PUS7: variants seen among roughly 807,000 people sequenced by gnomAD.
PUS7 encodes the protein pseudouridine synthase 7.
A neutral mutation model predicts 79.8 loss-of-function variants in PUS7; 48 were observed. The ratio of observed to expected loss-of-function variants is 0.60; its 90% CI spans 0.48 to 0.76. The LOEUF (loss-of-function observed/expected upper bound fraction) is 0.76, where lower values mean the gene tolerates loss of function less well. Ranked by LOEUF, PUS7 falls within the 30% of genes least tolerant of loss-of-function variation. PUS7 has a pLI of 0.00. For synonymous variants in PUS7, 286 were observed against 272.2 expected (o/e 1.05, Z -0.50); for missense variants, 729 against 797.6 (o/e 0.91, Z 1.04).
At chr7:105,504,332 A>C (rs1463026211) in intron 4 of PUS7, among the ~76,000 whole-genome samples, 1 of 152,102 alleles carries the variant, frequency 6.6e-6, no homozygotes, top group African/African-American at 2.4e-5. Context: ...CGGCCTCCCA[A>C]AGTGCTGGGA....
intron 4 of PUS7, among the ~76,000 whole-genome samples, chr7:105,504,521 T>C (rs3852332): frequency 0.14 from 20,591 of 152,234 alleles, 1,830 homozygotes; most frequent in Middle Eastern, 0.26. Flanking sequence ...TATGAATACA[T>C]GTTTAGACCT....
chr7:105,516,066 T>C (rs562925048), intron 1 of PUS7, among the ~76,000 whole-genome samples: 1 of 151,956 alleles, frequency 6.6e-6, no homozygotes, highest in African/African-American at 2.4e-5. Context: ...ACCTCAAACT[T>C]GTAAAGTGCT....
intron 9 of PUS7, 60 bp from the exon 10 acceptor site, chr7:105,472,253 C>T (rs1823905036): frequency 1.9e-6 from 2 of 1,037,246 alleles, no homozygotes; most frequent in African/African-American, 3.2e-5. Context: ...TTTATATGCA[C>T]AAATCTTTGA....
rs560364988 is a variant in PUS7, at chr7:105,457,982, CGA to C, written c.1850-58_1850-57del. ...ATGAAGGCAGCTGCAGACAGACCAG[CGA>C]GAGTCACATAATCTCTAAGCAAATA... On this transcript the variant is annotated intron_variant, in intron 15 of 15. Transcript: ENST00000469408. 2,953 of 1,579,448 alleles carry C rather than the reference CGA, an allele frequency of 1.9e-3. 29 individuals are homozygous for C. The highest frequency in any genetic ancestry group is 0.015 in the South Asian group (1,324 of 87,696).
chr7:105,486,134 C>T (rs1304397012), intron 7 of PUS7, among the ~76,000 whole-genome samples: 1 of 152,076 alleles, frequency 6.6e-6, no homozygotes, highest in East Asian at 1.9e-4. Context: ...TTACTGCAAC[C>T]TCTGCCTCTT....
At chr7:105,505,382 C>T (rs1342171840) in intron 4 of PUS7, among the ~76,000 whole-genome samples, 2 of 152,168 alleles carry the variant, frequency 1.3e-5, no homozygotes, top group African/African-American at 4.8e-5. Context: ...AATTGACCCA[C>T]GATGAGCAAA....
intron 11 of PUS7, 52 bp from the exon 12 acceptor site, chr7:105,468,515 T>C: frequency 6.6e-7 from 1 of 1,504,740 alleles, no homozygotes; most frequent in Non-Finnish European, 9.0e-7. Context: ...ATATAAAAAG[T>C]GCTGTACTTT....
chr7:105,478,647 G>T (rs1170672477), intron 9 of PUS7, among the ~76,000 whole-genome samples: 1 of 152,202 alleles, frequency 6.6e-6, no homozygotes, highest in Non-Finnish European at 1.5e-5. Flanking sequence ...CTAAGTTTTA[G>T]AATGCGTTGT....
At chr7:105,506,399 C>T in intron 2 of PUS7, 126 bp from the exon 3 acceptor site, 1 of 641,632 alleles carries the variant, frequency 1.6e-6, no homozygotes, top group Non-Finnish European at 2.6e-6. Context: ...ATCTTCAGTG[C>T]AAAATCACAT....
At chr7:105,504,897 G>A (rs904622491) in intron 4 of PUS7, among the ~76,000 whole-genome samples, 1 of 152,086 alleles carries the variant, frequency 6.6e-6, no homozygotes, top group African/African-American at 2.4e-5. Flanking sequence ...AATGAATTCT[G>A]AAAAGTTGTA....
intron 6 of PUS7, among the ~76,000 whole-genome samples, chr7:105,492,332 C>CT (rs571087893): frequency 0.046 from 6,780 of 147,128 alleles, 206 homozygotes; most frequent in South Asian, 0.12. Context: ...TAATTCTTCG[C>CT]TTTTTTTTTT....
Position 105,462,698 on chromosome 7 carries a change from G to A in PUS7, c.1680C>T (p.Asn560=). Residue 560 remains asparagine (N), a synonymous_variant, in exon 14 of 16, where the codon AAC becomes AAT. Coordinates refer to ENST00000469408, the MANE Select transcript of PUS7 (RefSeq NM_019042.5). The part of the protein sequence containing the change: ...MLTADNLDID[N]MRHKIRDYSL... Reference sequence around the variant, plus strand: ...AATAATCTCGAATTTTGTGTCTCATGTTGTCAATATCAAGATTGTCAGCTG... The same window carrying A: ...AATAATCTCGAATTTTGTGTCTCATATTGTCAATATCAAGATTGTCAGCTG... The A allele has an allele frequency of 1.2e-6, 2 of 1,613,590 alleles. No homozygotes were observed. The highest frequency in any genetic ancestry group is 1.1e-5 in the South Asian group (1 of 91,024).
At chr7:105,509,682 T>C (rs567383745) in intron 1 of PUS7, among the ~76,000 whole-genome samples, 1 of 152,220 alleles carries the variant, frequency 6.6e-6, no homozygotes, top group Non-Finnish European at 1.5e-5. Context: ...CTCGCTATTA[T>C]TGCTCAGTCT....
chr7:105,505,691 T>C (rs1825426667), intron 4 of PUS7, among the ~76,000 whole-genome samples: 5 of 152,194 alleles, frequency 3.3e-5, no homozygotes, highest in Admixed American at 3.3e-4. Flanking sequence ...TCGGAGTAGC[T>C]AGGACTTTGG....
intron 5 of PUS7, 68 bp from the exon 6 acceptor site, chr7:105,495,321 C>T (rs985922152): frequency 1.3e-5 from 12 of 893,674 alleles, no homozygotes; most frequent in East Asian, 4.9e-5. Flanking sequence ...GCTCATTTTT[C>T]GCTATAGAAC....
intron 7 of PUS7, among the ~76,000 whole-genome samples, chr7:105,482,839 T>C (rs888567881): frequency 1.3e-5 from 2 of 152,152 alleles, no homozygotes; most frequent in Non-Finnish European, 2.9e-5. Context: ...GTCATTATTT[T>C]TGTCAATCAG....
intron 5 of PUS7, among the ~76,000 whole-genome samples, chr7:105,497,223 G>A (rs1825074267): frequency 6.6e-6 from 1 of 152,162 alleles, no homozygotes; most frequent in East Asian, 1.9e-4. Context: ...TTCACAATGG[G>A]CATGTTAGTT....
In PUS7 at chr7:105,495,201, T is replaced by G. The variant is rs1824960399; in HGVS notation, c.783A>C (p.Val261=). 2 of 1,613,064 alleles carry G rather than the reference T, an allele frequency of 1.2e-6. No homozygotes were observed. Among genetic ancestry groups the G allele is most frequent in the Non-Finnish European group, 1.7e-6 (2 of 1,179,454 alleles). The part of the protein sequence containing the change: ...PKSRGSYCHF[V]LYKENKDTMD... ...TGGTGTCTTTGTTTTCCTTATATAG[T>G]ACGAAGTGGCAGTAACTTCCCCTAG... The change falls in exon 6 of 16, where the codon GTA becomes GTC. Residue 261 remains valine (V), a synonymous_variant. Coordinates refer to ENST00000469408, the MANE Select transcript of PUS7 (RefSeq NM_019042.5).
chr7:105,480,998 AC>A, intron 9 of PUS7, 53 bp downstream of exon 9: 2 of 1,563,712 alleles, frequency 1.3e-6, no homozygotes, highest in Non-Finnish European at 1.7e-6. Context: ...CCACCAACAA[AC>A]CCTGCTTTGT....
Sources: gnomAD v4.1 joint callset for allele counts (sites outside exome capture counted in the v4.1 genomes callset) on GRCh38, gnomAD v4.1.1 for gene constraint, MANE v1.5 for transcripts, NCBI Gene and HGNC (gene_info 2026-07-23, HGNC 2026-07-21) for gene names.